The following CSMD3 variants were observed in gnomAD, a reference collection of about 807,000 sequenced individuals.
The protein encoded by CSMD3 is CUB and sushi domain-containing protein 3.
CSMD3 carries 177 observed loss-of-function variants against 435.2 expected under a neutral mutation model. The ratio of observed to expected loss-of-function variants is 0.41; its 90% CI spans 0.36 to 0.46. CSMD3 has a LOEUF of 0.46. Ranked by LOEUF, CSMD3 falls within the 20% of genes least tolerant of loss-of-function variation. CSMD3 has a pLI of 0.34. For missense variants in CSMD3, 4,265 were observed against 4,504.6 expected, an observed-to-expected ratio of 0.95 and a Z score of 1.52; for synonymous variants, 1,656 against 1,520.5, an observed-to-expected ratio of 1.09 and a Z score of -2.07.
chr8:113,320,969 T>C (rs2093945446), intron 1 of CSMD3, among the ~76,000 whole-genome samples: 1 of 152,136 alleles, frequency 6.6e-6, no homozygotes, highest in African/African-American at 2.4e-5. Flanking sequence ...CAAATCTCAT[T>C]AGTTCATTCT....
intron 1 of CSMD3, among the ~76,000 whole-genome samples, chr8:113,429,752 A>C (rs895056660): frequency 2.0e-5 from 3 of 152,166 alleles, no homozygotes; most frequent in Admixed American, 1.3e-4. Flanking sequence ...GGTAAAGTAG[A>C]AAAAGAATTG....
intron 10 of CSMD3, among the ~76,000 whole-genome samples, chr8:112,873,082 TTAAC>T: frequency 6.6e-6 from 1 of 152,196 alleles, no homozygotes; most frequent in South Asian, 2.1e-4. Flanking sequence ...ATCCAGGAAA[TTAAC>T]TGAGCCAGTT....
chr8:112,338,258 TA>T (rs1257588609), intron 42 of CSMD3, among the ~76,000 whole-genome samples: 5 of 145,168 alleles, frequency 3.4e-5, no homozygotes, highest in African/African-American at 4.9e-5. Flanking sequence ...TATTTTAATA[TA>T]AAATGAACTT....
intron 3 of CSMD3, among the ~76,000 whole-genome samples, chr8:113,189,085 G>T (rs986858958): frequency 5.9e-5 from 9 of 151,710 alleles, no homozygotes; most frequent in Admixed American, 1.3e-4. Context: ...AATGGCAAAG[G>T]TTTCCCAACG....
At chr8:112,525,564 CA>C (rs1824799463) in intron 27 of CSMD3, among the ~76,000 whole-genome samples, 1 of 147,680 alleles carries the variant, frequency 6.8e-6, no homozygotes, top group Non-Finnish European at 1.5e-5. Flanking sequence ...ACTAAAAATA[CA>C]AAAAAATTAG....
intron 24 of CSMD3, among the ~76,000 whole-genome samples, chr8:112,558,574 T>C (rs535209463): frequency 6.6e-6 from 1 of 151,858 alleles, no homozygotes; most frequent in African/African-American, 2.4e-5. Context: ...TTTATTATGC[T>C]TTTCTCTTGT....
intron 1 of CSMD3, among the ~76,000 whole-genome samples, chr8:113,422,263 C>T (rs1325522513): frequency 6.6e-6 from 1 of 152,118 alleles, no homozygotes; most frequent in Non-Finnish European, 1.5e-5. Flanking sequence ...ACAGTCATTT[C>T]AGAGCACCTT....
At chr8:112,854,712 C>T (rs963785089) in intron 11 of CSMD3, among the ~76,000 whole-genome samples, 46 of 152,302 alleles carry the variant, frequency 3.0e-4, no homozygotes, top group African/African-American at 9.6e-4. Context: ...CATTTGGATG[C>T]TCTGTGATAA....
intron 1 of CSMD3, among the ~76,000 whole-genome samples, chr8:113,316,021 T>C (rs1173085589): frequency 6.6e-6 from 1 of 152,102 alleles, no homozygotes; most frequent in African/African-American, 2.4e-5. Context: ...GCCTGGCCTC[T>C]TCAAATATAT....
intron 1 of CSMD3, among the ~76,000 whole-genome samples, chr8:113,337,587 A>C (rs1359526479): frequency 6.6e-6 from 1 of 152,104 alleles, no homozygotes; most frequent in Admixed American, 6.6e-5. Flanking sequence ...AATAGCTTAG[A>C]TCTGACACTG....
At chr8:112,809,379 A>T (rs1323416100) in intron 12 of CSMD3, among the ~76,000 whole-genome samples, 1 of 152,190 alleles carries the variant, frequency 6.6e-6, no homozygotes, top group Non-Finnish European at 1.5e-5. Flanking sequence ...AATCTCACGC[A>T]GATTCATGTG....
chr8:113,174,962 T>C (rs2092326063), intron 3 of CSMD3, among the ~76,000 whole-genome samples: 1 of 151,870 alleles, frequency 6.6e-6, no homozygotes, highest in South Asian at 2.1e-4. Flanking sequence ...TGGGAACTAC[T>C]GTTCTTGCAA....
intron 38 of CSMD3, among the ~76,000 whole-genome samples, chr8:112,377,239 T>C (rs1487654624): frequency 6.6e-6 from 1 of 151,512 alleles, no homozygotes; most frequent in Non-Finnish European, 1.5e-5. Context: ...CACCGAAAAA[T>C]TGAATAACCC....
chr8:112,626,469 T>G (rs1281823131), intron 22 of CSMD3, among the ~76,000 whole-genome samples: 1 of 152,116 alleles, frequency 6.6e-6, no homozygotes, highest in Non-Finnish European at 1.5e-5. Flanking sequence ...TCTATTATTT[T>G]TAATATTATA....
At chr8:113,392,792 T>C (rs191486646) in intron 1 of CSMD3, among the ~76,000 whole-genome samples, 172 of 152,098 alleles carry the variant, frequency 1.1e-3, no homozygotes, top group African/African-American at 3.9e-3. Flanking sequence ...AACTTTCATA[T>C]ATATTATCTT....
Position 112,573,596 on chromosome 8 carries a change from C to T in CSMD3, c.3947G>A (p.Arg1316His), listed in dbSNP as rs770733898. ...TGAAGTACTACTAAGTGTCAGTCCG[C>T]GCATAGATGCACCAGTAAAAGCACC... ...LLGAFTGASM[R>H]GLTLSSTSNQ... Residue 1316 changes from arginine (R) to histidine (H), a missense_variant, in exon 24 of 71, where the codon CGC (arginine) becomes CAC (histidine). Physicochemically the swap from Arg to His is conservative, Grantham distance 29. This residue lies in a region of CSMD3 where 3,255 missense variants were observed against 3,380.2 expected (regional missense o/e 0.96). Transcript: ENST00000297405. The T allele has an allele frequency of 3.3e-5, 53 of 1,612,958 alleles. No homozygotes were observed. The highest frequency in any genetic ancestry group is 1.6e-4 in the Middle Eastern group (1 of 6,080).
At chr8:112,553,204 A>T (rs1031632735) in intron 25 of CSMD3, among the ~76,000 whole-genome samples, 1 of 151,754 alleles carries the variant, frequency 6.6e-6, no homozygotes, top group Non-Finnish European at 1.5e-5. Context: ...TTTCCCTTGT[A>T]CTCTCCCAAA....
At chr8:112,316,953 C>T (rs867704075) in intron 47 of CSMD3, among the ~76,000 whole-genome samples, 5 of 151,864 alleles carry the variant, frequency 3.3e-5, no homozygotes, top group African/African-American at 4.8e-5. Context: ...GGACTAAAAA[C>T]GATGTAGGTT....
At position 112,299,966 on chromosome 8, in the gene CSMD3, C is replaced by G. The variant is rs1385868568; in HGVS notation, c.8440+1827G>C. On this transcript the variant is annotated intron_variant, in intron 53 of 70. Coordinates refer to ENST00000297405, the MANE Select transcript of CSMD3 (RefSeq NM_198123.2). ...CTAAGTAGGTGAATAAAACCACATA[C>G]TATATACAATATTAAATAATATATA... 3.3e-5 allele frequency among the ~76,000 whole-genome samples: 5 copies of G among 151,330 alleles called. No homozygotes were observed. In the East Asian group the frequency reaches 7.8e-4, roughly 23 times the overall value.
Sources: allele counts gnomAD v4.1 joint callset (sites outside exome capture counted in the v4.1 genomes callset), GRCh38; gene constraint gnomAD v4.1.1; regional missense constraint gnomAD v4.1.1; transcripts MANE v1.5; gene names NCBI Gene and HGNC (gene_info 2026-07-23, HGNC 2026-07-21).